The following TPR variants were observed in gnomAD, a reference collection of about 807,000 sequenced individuals.
The protein encoded by TPR is translocated promoter region, nuclear basket protein.
A neutral mutation model predicts 316.1 loss-of-function variants in TPR; 51 were observed. The ratio of observed to expected loss-of-function variants is 0.16; its 90% confidence interval spans 0.13 to 0.20. The LOEUF (loss-of-function observed/expected upper bound fraction) is 0.20. Ranked by LOEUF, TPR falls within the 10% of genes least tolerant of loss-of-function variation. The pLI, the probability that TPR is intolerant of heterozygous loss-of-function variation, is 1.00. For missense variants in TPR, 2,272 were observed against 2,754.8 expected (o/e 0.82, Z 3.92); for synonymous variants, 981 against 914.7 (o/e 1.07, Z -1.31).
At position 186,335,394 on chromosome 1, in the gene TPR, C is replaced by T; in HGVS notation, c.4855G>A (p.Glu1619Lys). The T allele has an allele frequency of 6.2e-7, 1 of 1,613,770 alleles. No individual in the cohort carries two copies. Among genetic ancestry groups the T allele is most frequent in the Non-Finnish European group, 8.5e-7 (1 of 1,179,764 alleles). Residue 1619 changes from glutamate to lysine, a missense_variant, in exon 34 of 51, where the codon GAG becomes AAG. Around this residue, in one of 10 missense-constraint regions of TPR, gnomAD observed 109 missense variants for 215.3 expected, o/e 0.51. Transcript: ENST00000367478. The part of the protein sequence containing the change: ...RISRLERELR[E>K]HQERHLEQRD... ...TGCTCAAGGTGTCTCTCTTGATGCT[C>T]CCTGAGTTCTCTTTCCAAGCGACTA...
At chr1:186,322,244 A>G in intron 45 of TPR, 74 bp downstream of exon 45, 1 of 1,398,592 alleles carries the variant, frequency 7.2e-7, no homozygotes, top group Non-Finnish European at 9.8e-7. Flanking sequence ...AGTTAACCAA[A>G]TGATAAACAA....
chr1:186,316,143 A>G (rs1571595145), intron 49 of TPR, among the ~76,000 whole-genome samples: 1 of 152,174 alleles, frequency 6.6e-6, no homozygotes, highest in East Asian at 1.9e-4. Flanking sequence ...AATTCTATTG[A>G]GGAAAGCCAA....
chr1:186,312,110 T>TC lies in TPR; in HGVS notation c.*1860dup. The TC allele has an allele frequency of 6.9e-7, 1 of 1,443,290 alleles. No homozygotes were observed. Among genetic ancestry groups the TC allele is most frequent in the Non-Finnish European group, 9.7e-7 (1 of 1,031,118 alleles). 89.4% of individuals were successfully genotyped at this position (1,443,290 alleles called of 1,614,324 possible). On this transcript the variant is annotated 3_prime_UTR_variant, in exon 51 of 51. Transcript: ENST00000367478. ...TTCCTATACATTGTAAAAGTTGTTT[T>TC]CCACCTTTTCTGAGGGTATTAAAAT...
chr1:186,314,031 A>T lies in TPR; in HGVS notation c.7037-5T>A. The T allele has an allele frequency of 6.2e-7, 1 of 1,608,332 alleles. No homozygotes were observed. Among genetic ancestry groups the T allele is most frequent in the Non-Finnish European group, 8.5e-7 (1 of 1,178,446 alleles). On this transcript the variant is annotated splice_polypyrimidine_tract_variant and splice_region_variant and intron_variant, in intron 50 of 50. Transcript: ENST00000367478. ...CTCCCATTGCATGGCTCACACCTGT[A>T]AAAGAAAAAAGAATCAAATTGAATA...
intron 33 of TPR, among the ~76,000 whole-genome samples, chr1:186,335,819 T>A (rs1000381630): frequency 3.3e-5 from 5 of 152,162 alleles, no homozygotes; most frequent in African/African-American, 1.2e-4. Context: ...AGCCCGTTTA[T>A]ATTTCAATGT....
At chr1:186,323,971 G>T in intron 42 of TPR, 101 bp from the exon 43 acceptor site, 1 of 1,223,454 alleles carries the variant, frequency 8.2e-7, no homozygotes, top group Non-Finnish European at 1.1e-6. Flanking sequence ...AATGTTCACC[G>T]TACGAATATT....
chr1:186,316,824 A>C (rs550013625), intron 49 of TPR, among the ~76,000 whole-genome samples: 7 of 152,366 alleles, frequency 4.6e-5, no homozygotes, highest in Non-Finnish European at 1.0e-4. Context: ...AAATATAAGT[A>C]AAGGGCTCAG....
intron 45 of TPR, among the ~76,000 whole-genome samples, chr1:186,321,986 G>C (rs144132856): frequency 6.6e-6 from 1 of 152,204 alleles, no homozygotes; most frequent in East Asian, 1.9e-4. Context: ...AAATGAAGGT[G>C]CTCATGAACA....
rs367918830 is a variant in TPR at position 186,350,237 on chromosome 1, T to C, written c.2762A>G (p.Gln921Arg). The change falls in exon 21 of 51, where the codon CAG becomes CGG. Residue 921 changes from glutamine (Q) to arginine (R), a missense_variant. Physicochemically the swap from Gln to Arg is conservative, Grantham distance 43. Around this residue, in one of 10 missense-constraint regions of TPR, gnomAD observed 757 missense variants for 859.8 expected, o/e 0.88. Coordinates refer to ENST00000367478, the MANE Select transcript of TPR (RefSeq NM_003292.3). ...MEVQVASQSSQRTGKGQPSNK... is the reference protein window; with the variant it reads ...MEVQVASQSSRRTGKGQPSNK... ...ATTTTATTTACCTTTACCAGTTCTC[T>C]GTGAAGACTGAGAAGCAACTTGGAC... The C allele has an allele frequency of 1.4e-5, 22 of 1,609,332 alleles. No homozygotes were observed. Among genetic ancestry groups the C allele is most frequent in the Non-Finnish European group, 1.8e-5 (21 of 1,178,776 alleles).
intron 18 of TPR, 137 bp from the exon 19 acceptor site, chr1:186,352,247 G>A: frequency 2.8e-6 from 2 of 723,958 alleles, no homozygotes; most frequent in South Asian, 9.9e-5. Flanking sequence ...CATTGTATAA[G>A]GAAATACAAA....
At chr1:186,322,686 ATAGT>A (rs1310677089) in intron 43 of TPR, 100 bp from the exon 44 acceptor site, 1 of 1,184,840 alleles carries the variant, frequency 8.4e-7, no homozygotes, top group East Asian at 2.4e-5. Flanking sequence ...TGCCAACAAA[ATAGT>A]TAGCAGACAG....
chr1:186,324,515 G>T (rs1323784772), intron 42 of TPR, among the ~76,000 whole-genome samples: 2 of 152,118 alleles, frequency 1.3e-5, no homozygotes, highest in African/African-American at 4.8e-5. Context: ...AGTTGAACAG[G>T]ATGTCACAGA....
At position 186,316,245 on chromosome 1, in the gene TPR, G is replaced by A. The variant is rs77927042; in HGVS notation, c.6940+1237C>T. Among the ~76,000 whole-genome samples the A allele has an allele frequency of 6.0e-4, 92 of 152,208 alleles. 2 individuals are homozygous for A. The East Asian group carries it at 0.017, about 28-fold the overall frequency. The stretch of plus-strand genomic sequence containing the variant: ...ACATTTTTTAAGCCTTACTGCGTAT[G>A]AAATGGTTCTGTAATTTACATACAT... On this transcript the variant is annotated intron_variant, in intron 49 of 50. Transcript: ENST00000367478.
At chr1:186,360,554 C>A (rs1388361622) in intron 10 of TPR, among the ~76,000 whole-genome samples, 190 bp from the exon 11 acceptor site, 1 of 151,998 alleles carries the variant, frequency 6.6e-6, no homozygotes. Context: ...TGGGAATTTA[C>A]AAGACTGTGT....
Position 186,367,992 on chromosome 1 carries a change from AAAG to A in TPR, c.331-13_331-11del, listed in dbSNP as rs1167991069. On this transcript the variant is annotated splice_polypyrimidine_tract_variant and intron_variant, in intron 3 of 50. Transcript: ENST00000367478. ...TTCTTGTAAATTGGCTCTGTCATATAAAGAAGTAATAAGTAAGAAAATCAAGTA... is the reference window on the plus strand; with the variant it reads ...TTCTTGTAAATTGGCTCTGTCATATAAAGTAATAAGTAAGAAAATCAAGTA... The A allele has an allele frequency of 1.9e-6, 3 of 1,596,122 alleles. No individual in the cohort carries two copies. Among genetic ancestry groups the A allele is most frequent in the East Asian group, 2.2e-5 (1 of 44,674 alleles).
chr1:186,314,283 G>A (rs1370202883), intron 50 of TPR: 5 of 442,292 alleles, frequency 1.1e-5, no homozygotes, highest in Non-Finnish European at 1.6e-5. Flanking sequence ...TAATCACAAA[G>A]CTTTATCGTG....
chr1:186,316,676 C>T (rs1438316174), intron 49 of TPR, among the ~76,000 whole-genome samples: 1 of 152,216 alleles, frequency 6.6e-6, no homozygotes, highest in African/African-American at 2.4e-5. Flanking sequence ...CAGACTTCTT[C>T]AGTGTAATCG....
chr1:186,373,252 A>C, intron 2 of TPR, 107 bp downstream of exon 2: 1 of 660,808 alleles, frequency 1.5e-6, no homozygotes, highest in Non-Finnish European at 2.4e-6. Context: ...AATGATGCTT[A>C]ATCAATATTT....
At chr1:186,356,991 C>T (rs570573938) in intron 14 of TPR, among the ~76,000 whole-genome samples, 2 of 152,284 alleles carry the variant, frequency 1.3e-5, no homozygotes, top group African/African-American at 4.8e-5. Flanking sequence ...TATTGTTGCT[C>T]AATTCTTTCC....
Sources: gnomAD v4.1 joint callset for allele counts (sites outside exome capture counted in the v4.1 genomes callset) on GRCh38, gnomAD v4.1.1 for gene constraint, gnomAD v4.1.1 regional missense constraint, MANE v1.5 for transcripts, NCBI Gene and HGNC (gene_info 2026-07-23, HGNC 2026-07-21) for gene names.